Variants in ZC3H12C observed in about 807,000 individuals in gnomAD.
ZC3H12C encodes the protein probable ribonuclease ZC3H12C.
ZC3H12C carries 20 observed loss-of-function variants against 76.3 expected under a neutral mutation model. The observed-to-expected ratio is 0.26, with a 90% CI of 0.18 to 0.38. The LOEUF is 0.38. ZC3H12C is among the 10% of genes least tolerant of loss of function. The probability of loss-of-function intolerance (pLI) is 1.00; values close to 1 mark genes in which losing one functional copy is unlikely to be tolerated. For synonymous variants in ZC3H12C, 352 were observed against 399.6 expected, an observed-to-expected ratio of 0.88 and a Z score of 1.42; for missense variants, 874 against 1,086.5, an observed-to-expected ratio of 0.80 and a Z score of 2.75.
intron 2 of ZC3H12C, among the ~76,000 whole-genome samples, chr11:110,150,568 T>C (rs1862253926): frequency 6.6e-6 from 1 of 152,166 alleles, no homozygotes; most frequent in South Asian, 2.1e-4. Flanking sequence ...CTGATATCTG[T>C]TGAAATCTGT....
intron 2 of ZC3H12C, among the ~76,000 whole-genome samples, chr11:110,144,529 G>A (rs759788091): frequency 6.6e-6 from 1 of 152,108 alleles, no homozygotes; most frequent in Non-Finnish European, 1.5e-5. Flanking sequence ...ATCTCTATTT[G>A]GAGTACTGAA....
At chr11:110,105,619 A>G (rs951363952) in intron 1 of ZC3H12C, among the ~76,000 whole-genome samples, 2 of 152,186 alleles carry the variant, frequency 1.3e-5, no homozygotes, top group African/African-American at 4.8e-5. Context: ...ATTCTTACCT[A>G]GAGATGACTT....
chr11:110,096,704 C>G (rs907297991), intron 1 of ZC3H12C, among the ~76,000 whole-genome samples: 2 of 152,212 alleles, frequency 1.3e-5, no homozygotes, highest in Admixed American at 1.3e-4. Context: ...GTTTTGTTGA[C>G]ATACACCATT....
chr11:110,164,474 A>G lies in ZC3H12C; in HGVS notation c.1389A>G (p.Gly463=). ...CAGCCAAAACTGCAAACGAAGGAGG[A>G]CTGGTGAAAAGCAACAGTGTTCCTT... is the stretch of plus-strand genomic sequence containing the variant. The part of the protein sequence containing the change: ...NTAAKTANEG[G]LVKSNSVPCS... Residue 463 remains glycine (G), a synonymous_variant, in exon 6 of 6, where the codon GGA becomes GGG. Coordinates refer to ENST00000278590, the MANE Select transcript of ZC3H12C (RefSeq NM_033390.2). The surrounding 1 kb of genome is among the most constrained non-coding windows in gnomAD (Gnocchi z 5.7). The G allele has an allele frequency of 6.2e-7, 1 of 1,614,020 alleles. No homozygotes were observed. Among genetic ancestry groups the G allele is most frequent in the Non-Finnish European group, 8.5e-7 (1 of 1,179,894 alleles).
intron 1 of ZC3H12C, among the ~76,000 whole-genome samples, chr11:110,116,810 T>G (rs1274323139): frequency 6.6e-6 from 1 of 152,198 alleles, no homozygotes; most frequent in Non-Finnish European, 1.5e-5. Context: ...TTGAGGAAAA[T>G]GAGACACAGA....
chr11:110,095,731 A>G (rs1861101423), intron 1 of ZC3H12C, among the ~76,000 whole-genome samples: 1 of 152,158 alleles, frequency 6.6e-6, no homozygotes, highest in Non-Finnish European at 1.5e-5. Context: ...CAAAGGTAGG[A>G]TTTGAGTAGG....
rs913882128 is a variant in ZC3H12C, at chr11:110,137,397, C to T, written c.756C>T (p.Gly252=). 5 of 1,605,150 alleles carry T rather than the reference C, an allele frequency of 3.1e-6. No individual in the cohort carries two copies. The Admixed American group carries it at 6.8e-5, about 22-fold the overall frequency. The change falls in exon 2 of 6, where the codon GGC becomes GGT. Residue 252 remains glycine, a synonymous_variant. Transcript: ENST00000278590. ...GENLRPIVID[G]SNVAMSHGNK... is the part of the protein sequence containing the mutation. ...ATCTGAGACCAATAGTTATTGATGGCAGCAATGTGGCAATGAGGTAAGTGG... is the reference window on the plus strand; with the variant it reads ...ATCTGAGACCAATAGTTATTGATGGTAGCAATGTGGCAATGAGGTAAGTGG...
intron 1 of ZC3H12C, among the ~76,000 whole-genome samples, chr11:110,108,279 T>A (rs1254553917): frequency 6.6e-6 from 1 of 152,180 alleles, no homozygotes; most frequent in Admixed American, 6.5e-5. Context: ...AAGATCATGA[T>A]CTTCATGCCC....
chr11:110,135,850 C>T (rs1861949241), intron 1 of ZC3H12C: 1 of 151,956 alleles, frequency 6.6e-6, no homozygotes, highest in Non-Finnish European at 1.5e-5. Context: ...TCTCTGCTTT[C>T]CGTAAGTGCA....
chr11:110,167,926 A>C lies in ZC3H12C; in HGVS notation c.*2189A>C, dbSNP rs1326907708. 2 of 152,208 alleles carry C rather than the reference A, an allele frequency of 1.3e-5. No homozygotes were observed. The highest frequency in any genetic ancestry group is 4.8e-5 in the African/African-American group (2 of 41,456). 9.4% of individuals were successfully genotyped at this position (152,208 alleles called of 1,614,324 possible). On this transcript the variant is annotated 3_prime_UTR_variant, in exon 6 of 6. Coordinates refer to ENST00000278590, the MANE Select transcript of ZC3H12C (RefSeq NM_033390.2). Reference sequence around the variant, plus strand: ...CAAGTTTAAATGTAGAGGCTAACTCAGTGCCAAAAACAGGGTTACAAATGT... The same window carrying C: ...CAAGTTTAAATGTAGAGGCTAACTCCGTGCCAAAAACAGGGTTACAAATGT...
rs1351780988 is a variant in ZC3H12C at position 110,165,892 on chromosome 11, G to A, written c.*155G>A. 4 of 704,308 alleles carry A rather than the reference G, an allele frequency of 5.7e-6. No homozygotes were observed. The highest frequency in any genetic ancestry group is 1.8e-5 in the African/African-American group (1 of 55,728). 43.6% of individuals were successfully genotyped at this position (704,308 alleles called of 1,614,324 possible). ...CTGTATCATGGAATCTGTATGTATA[G>A]CCCCACATGGTGGAAGTATCACGGG... is the stretch of plus-strand genomic sequence containing the variant. On this transcript the variant is annotated 3_prime_UTR_variant, in exon 6 of 6. Transcript: ENST00000278590.
intron 1 of ZC3H12C, among the ~76,000 whole-genome samples, chr11:110,094,337 C>CT (rs1318640250): frequency 6.6e-6 from 1 of 152,162 alleles, no homozygotes; most frequent in Non-Finnish European, 1.5e-5. Context: ...TTGATTCAGA[C>CT]TTTTTTTAAA....
intron 1 of ZC3H12C, among the ~76,000 whole-genome samples, chr11:110,098,436 A>G (rs1861153330): frequency 6.6e-6 from 1 of 152,170 alleles, no homozygotes; most frequent in Admixed American, 6.5e-5. Context: ...AAGAAAGAAA[A>G]ATTTTTCGAT....
At chr11:110,112,994 C>G (rs990934904) in intron 1 of ZC3H12C, among the ~76,000 whole-genome samples, 1 of 76,868 alleles carries the variant, frequency 1.3e-5, no homozygotes. Flanking sequence ...TCTTATCGCC[C>G]CCCCCTACCA....
rs1030962566 is a variant in ZC3H12C at position 110,165,257 on chromosome 11, C to T, written c.2172C>T (p.Asp724=). Residue 724 remains aspartate, a synonymous_variant, in exon 6 of 6, where the codon GAC becomes GAT. Coordinates refer to ENST00000278590, the MANE Select transcript of ZC3H12C (RefSeq NM_033390.2). The stretch of plus-strand genomic sequence containing the variant: ...GCGCCCGGTCCAGCTGTCCTGGCGA[C>T]TACCCCTCTCCTCCAAGTTCAGCAC... ...AVGARSSCPG[D]YPSPPSSAHS... The T allele has an allele frequency of 6.2e-7, 1 of 1,614,044 alleles. No individual in the cohort carries two copies. The highest frequency in any genetic ancestry group is 8.5e-7 in the Non-Finnish European group (1 of 1,179,896).
rs1338306049 is a variant in ZC3H12C, at chr11:110,171,406, T to G, written c.*5669T>G. 2 of 152,226 alleles carry G rather than the reference T, an allele frequency of 1.3e-5. No individual in the cohort carries two copies. Among genetic ancestry groups the G allele is most frequent in the African/African-American group, 2.4e-5 (1 of 41,456 alleles). The allele number at this position is 152,226 out of a possible 1,614,324, so 9.4% of individuals were successfully genotyped here. A position where few individuals can be genotyped will look rare whatever the true frequency, so the allele number is the denominator to read the frequency against. On this transcript the variant is annotated 3_prime_UTR_variant, in exon 6 of 6. Transcript: ENST00000278590. ...GCTGCTAGTAGAATTTTTTATTTGA[T>G]CCTGCGAACTTTTCTTATAGGAAAA...
rs2134203460 is a variant in ZC3H12C at position 110,165,338 on chromosome 11, C to T, written c.2253C>T (p.Ile751=). The change falls in exon 6 of 6, where the codon ATC becomes ATT. Residue 751 remains isoleucine (I), a synonymous_variant. Coordinates refer to ENST00000278590, the MANE Select transcript of ZC3H12C (RefSeq NM_033390.2). ...TGGTGGCCACGAGAATAGACAGCAT[C>T]TCTGACTCTCGACTTTATGACAGTT... The part of the protein sequence containing the change: ...RSLVATRIDS[I]SDSRLYDSSP... 1.2e-6 allele frequency: 2 copies of T among 1,614,026 alleles called. No individual in the cohort carries two copies. Among genetic ancestry groups the T allele is most frequent in the East Asian group, 2.2e-5 (1 of 44,880 alleles).
chr11:110,106,525 C>A (rs1040340377), intron 1 of ZC3H12C, among the ~76,000 whole-genome samples: 2 of 152,092 alleles, frequency 1.3e-5, no homozygotes, highest in Non-Finnish European at 2.9e-5. Context: ...ATAAAATGTC[C>A]CTAAGCTTCA....
intron 2 of ZC3H12C, among the ~76,000 whole-genome samples, chr11:110,140,193 G>A (rs1862044827): frequency 6.6e-6 from 1 of 152,114 alleles, no homozygotes; most frequent in African/African-American, 2.4e-5. Context: ...GGGAGGCTGA[G>A]GTGGGAGGAT....
Sources: gnomAD v4.1 joint callset for allele counts (sites outside exome capture counted in the v4.1 genomes callset) on GRCh38, gnomAD v4.1.1 for gene constraint, Gnocchi (gnomAD v3.1) non-coding constraint, MANE v1.5 for transcripts, NCBI Gene and HGNC (gene_info 2026-07-23, HGNC 2026-07-21) for gene names.